The following CHP1 variants were observed in gnomAD, a reference collection of about 807,000 sequenced individuals.
CHP1 encodes the protein calcineurin like EF-hand protein 1, also known as calcineurin B homologous protein 1.
A neutral mutation model predicts 27.4 loss-of-function variants in CHP1; 11 were observed. That is an observed-to-expected ratio of 0.40 (90% CI 0.25 to 0.67). The LOEUF is 0.67. CHP1 is among the 30% of genes least tolerant of loss of function. The probability of loss-of-function intolerance (pLI) is 0.38; values close to 1 mark genes in which losing one functional copy is unlikely to be tolerated. For synonymous variants in CHP1, 89 were observed against 87.4 expected (o/e 1.02, Z -0.10); for missense variants, 169 against 251.3 (o/e 0.67, Z 2.22).
intron 4 of CHP1, among the ~76,000 whole-genome samples, chr15:41,269,620 C>T (rs1402322070): frequency 2.0e-5 from 3 of 152,118 alleles, no homozygotes; most frequent in African/African-American, 7.2e-5. Flanking sequence ...AGGATGTACT[C>T]GAGAGTCGTG....
At chr15:41,257,560 C>CGTTT (rs371389045) in intron 3 of CHP1, among the ~76,000 whole-genome samples, 2 of 149,826 alleles carry the variant, frequency 1.3e-5, no homozygotes, top group Non-Finnish European at 3.0e-5. Flanking sequence ...ATCCTTTTTT[C>CGTTT]GTTTGTTTGT....
At chr15:41,270,470 T>C in intron 4 of CHP1, 87 bp from the exon 5 acceptor site, 2 of 971,138 alleles carry the variant, frequency 2.1e-6, no homozygotes, top group Admixed American at 2.0e-5. Context: ...GCTGTCAGTT[T>C]TCTGTCTAGT....
chr15:41,276,039 G>A (rs1041777261), intron 5 of CHP1, among the ~76,000 whole-genome samples: 10 of 152,018 alleles, frequency 6.6e-5, no homozygotes, highest in African/African-American at 9.7e-5. Flanking sequence ...TCGGGAGTTC[G>A]AGACCAGCCT....
At chr15:41,266,970 A>T (rs1027431911) in intron 4 of CHP1, among the ~76,000 whole-genome samples, 1 of 152,092 alleles carries the variant, frequency 6.6e-6, no homozygotes, top group East Asian at 1.9e-4. Flanking sequence ...ACTGCACTCT[A>T]GCTTGGGCGA....
At chr15:41,258,714 A>G (rs954211847) in intron 3 of CHP1, among the ~76,000 whole-genome samples, 1 of 152,210 alleles carries the variant, frequency 6.6e-6, no homozygotes, top group Admixed American at 6.5e-5. Context: ...CTTTTCAACA[A>G]TAAAACTTAC....
chr15:41,255,861 C>CA (rs1555420633), intron 2 of CHP1, among the ~76,000 whole-genome samples: 9 of 151,890 alleles, frequency 5.9e-5, no homozygotes, highest in Non-Finnish European at 1.3e-4. Context: ...ACTAAATGTA[C>CA]AAAAAACTAG....
rs1048865513 is a variant in CHP1 at position 41,245,080 on chromosome 15, C to T, written c.140+1341C>T. On this transcript the variant is annotated intron_variant, in intron 2 of 6. Transcript: ENST00000334660. Reference sequence around the variant, plus strand: ...ACCTATTAAGCATACGTATTTCCCCCTTCTCTCATCCCCTGGCAACCATAA... The same window carrying T: ...ACCTATTAAGCATACGTATTTCCCCTTTCTCTCATCCCCTGGCAACCATAA... Among the ~76,000 whole-genome samples, 7 of 152,158 alleles carry T rather than the reference C, an allele frequency of 4.6e-5. 1 individual carries two copies. The highest frequency in any genetic ancestry group is 1.0e-4 in the Non-Finnish European group (7 of 68,036).
rs1220962756 is a variant in CHP1, at chr15:41,281,293, A to G, written c.*1904A>G. On this transcript the variant is annotated 3_prime_UTR_variant, in exon 7 of 7. Coordinates refer to ENST00000334660, the MANE Select transcript of CHP1 (RefSeq NM_007236.5). ...ACATTAGCTCCCTGGCTTCTTGTTT[A>G]GACCACTGCTAATCCCTTAAAAACA... The G allele has an allele frequency of 6.6e-6, 1 of 152,558 alleles. No homozygotes were observed. Among genetic ancestry groups the G allele is most frequent in the African/African-American group, 2.4e-5 (1 of 41,452 alleles). 9.5% of individuals were successfully genotyped at this position (152,558 alleles called of 1,614,324 possible). A position where few individuals can be genotyped will look rare whatever the true frequency, so the allele number is the denominator to read the frequency against.
At chr15:41,274,329 G>T (rs983800706) in intron 5 of CHP1, among the ~76,000 whole-genome samples, 1 of 152,184 alleles carries the variant, frequency 6.6e-6, no homozygotes, top group Non-Finnish European at 1.5e-5. Flanking sequence ...GGGAATGGAG[G>T]CCTGGGCAGA....
At chr15:41,267,619 G>A (rs779834606) in intron 4 of CHP1, among the ~76,000 whole-genome samples, 2 of 150,696 alleles carry the variant, frequency 1.3e-5, no homozygotes, top group Non-Finnish European at 3.0e-5. Context: ...CTGAGATCGC[G>A]CCACTGCACT....
chr15:41,271,487 C>T (rs370761895), intron 5 of CHP1, among the ~76,000 whole-genome samples: 3 of 152,096 alleles, frequency 2.0e-5, no homozygotes, highest in African/African-American at 4.8e-5. Flanking sequence ...TAGGTACTGT[C>T]TGAGATTTAC....
At chr15:41,249,440 C>CACA (rs751201060) in intron 2 of CHP1, among the ~76,000 whole-genome samples, 2 of 147,828 alleles carry the variant, frequency 1.4e-5, no homozygotes, top group Non-Finnish European at 3.0e-5. Flanking sequence ...AGATGTGTGC[C>CACA]ACCATGCCTG....
At chr15:41,262,583 T>G (rs1272194882) in intron 3 of CHP1, among the ~76,000 whole-genome samples, 173 bp from the exon 4 acceptor site, 2 of 152,170 alleles carry the variant, frequency 1.3e-5, no homozygotes, top group Admixed American at 1.3e-4. Flanking sequence ...AAGGTTGGGG[T>G]GAGGCTTAAA....
chr15:41,245,000 C>T (rs1331651162), intron 2 of CHP1, among the ~76,000 whole-genome samples: 1 of 152,086 alleles, frequency 6.6e-6, no homozygotes, highest in Non-Finnish European at 1.5e-5. Context: ...AGCCTTTGGA[C>T]GTAATCATCA....
chr15:41,278,637 T>C, intron 5 of CHP1, 130 bp from the exon 6 acceptor site: 1 of 1,046,674 alleles, frequency 9.6e-7, no homozygotes, highest in South Asian at 1.6e-5. Context: ...CAAAACATTA[T>C]TATGCAGTGC....
intron 2 of CHP1, among the ~76,000 whole-genome samples, chr15:41,246,150 T>C (rs147979329): frequency 3.2e-4 from 48 of 152,298 alleles, no homozygotes; most frequent in African/African-American, 1.0e-3. Flanking sequence ...AAAATTCCTT[T>C]GAGTTTATAC....
At chr15:41,261,885 C>T (rs1232815918) in intron 3 of CHP1, among the ~76,000 whole-genome samples, 2 of 151,680 alleles carry the variant, frequency 1.3e-5, no homozygotes, top group African/African-American at 2.4e-5. Context: ...CCAGCTACTC[C>T]AGAGGCTGGG....
At chr15:41,271,841 C>T (rs893933093) in intron 5 of CHP1, among the ~76,000 whole-genome samples, 25 of 152,324 alleles carry the variant, frequency 1.6e-4, no homozygotes, top group South Asian at 8.3e-4. Context: ...ATTTCTTCAG[C>T]GAGAAGCGTT....
intron 1 of CHP1, among the ~76,000 whole-genome samples, chr15:41,238,294 C>T (rs193041873): frequency 3.3e-5 from 5 of 151,912 alleles, no homozygotes; most frequent in African/African-American, 7.2e-5. Context: ...AATAGCTCAG[C>T]GTACAGGAAT....
Sources: gnomAD v4.1 joint callset for allele counts (sites outside exome capture counted in the v4.1 genomes callset) on GRCh38, gnomAD v4.1.1 for gene constraint, MANE v1.5 for transcripts, NCBI Gene and HGNC (gene_info 2026-07-23, HGNC 2026-07-21) for gene names.